The following UBR1 variants were observed in gnomAD, a reference collection of about 807,000 sequenced individuals.
The protein encoded by UBR1 is ubiquitin protein ligase E3 component n-recognin 1, also known as E3 ubiquitin-protein ligase UBR1.
A neutral mutation model predicts 242.1 loss-of-function variants in UBR1; 102 were observed. That is an observed-to-expected ratio of 0.42 (90% confidence interval 0.36 to 0.50). The LOEUF (loss-of-function observed/expected upper bound fraction) is 0.50. Among genes scored for constraint, UBR1 ranks in the 20% least tolerant of loss-of-function variants. UBR1 has a pLI of 0.01. For synonymous variants in UBR1, 675 were observed against 684.8 expected (o/e 0.99, Z 0.22); for missense variants, 1,772 against 2,101.8 (o/e 0.84, Z 3.07).
At chr15:43,076,541 C>G (rs989117567) in intron 3 of UBR1, among the ~76,000 whole-genome samples, 2 of 149,766 alleles carry the variant, frequency 1.3e-5, no homozygotes, top group Non-Finnish European at 3.0e-5. Flanking sequence ...ATGTGGGGAG[C>G]GCCTCTGCCC....
At chr15:43,004,590 G>A (rs866884010) in intron 30 of UBR1, among the ~76,000 whole-genome samples, 16 of 152,324 alleles carry the variant, frequency 1.1e-4, no homozygotes, top group Middle Eastern at 3.4e-3. Context: ...CCTGTTGGCC[G>A]GGCTGGTCTC....
In UBR1 at chr15:42,954,849, A is replaced by G. The variant is rs369356879; in HGVS notation, c.4836-2401T>C. 1.3e-4 allele frequency among the ~76,000 whole-genome samples: 20 copies of G among 152,188 alleles called. No homozygotes were observed. In the East Asian group the frequency reaches 2.9e-3, roughly 22 times the overall value. On this transcript the variant is annotated intron_variant, in intron 44 of 46. Coordinates refer to ENST00000290650, the MANE Select transcript of UBR1 (RefSeq NM_174916.3). ...TTCCCAAAATGTTGGGATTACAGGC[A>G]TAATCCACCGCACCTGGCCTCAAAA...
At chr15:42,980,444 G>A (rs1201325391) in intron 37 of UBR1, among the ~76,000 whole-genome samples, 1 of 152,168 alleles carries the variant, frequency 6.6e-6, no homozygotes. Flanking sequence ...CCATGGGCAA[G>A]TCATGCAACT....
chr15:42,951,819 C>T (rs1042281825), intron 45 of UBR1, among the ~76,000 whole-genome samples: 4 of 151,950 alleles, frequency 2.6e-5, no homozygotes, highest in African/African-American at 9.7e-5. Flanking sequence ...GCCTTGCTGC[C>T]CAGGCTGATC....
At position 42,950,290 on chromosome 15, in the gene UBR1, C is replaced by A; in HGVS notation, c.5080G>T (p.Glu1694Ter). The stretch of plus-strand genomic sequence containing the variant: ...AGGCCAGGGTCTGTTTCTCCATATT[C>A]ATCCAAGTAAGGAGCTGGATAGGCA... ...GCAYPAPYLD[E>*]YGETDPGLKR... Residue 1694 changes from glutamate (E) to a stop codon, truncating the protein, a stop_gained, in exon 46 of 47, where the codon GAA (glutamate) becomes TAA (stop). Transcript: ENST00000290650. LOFTEE classifies it high-confidence loss of function. 1 of 1,614,160 alleles carries A rather than the reference C, an allele frequency of 6.2e-7. No individual in the cohort carries two copies. The highest frequency in any genetic ancestry group is 8.5e-7 in the Non-Finnish European group (1 of 1,180,014).
chr15:43,021,076 CA>C (rs200329477), intron 27 of UBR1, 198 bp downstream of exon 27: 83 of 487,590 alleles, frequency 1.7e-4, no homozygotes, highest in East Asian at 2.8e-4. Flanking sequence ...TAAATAACGA[CA>C]AAAAAAATGA....
chr15:43,070,407 T>G (rs1048319163), intron 5 of UBR1, among the ~76,000 whole-genome samples: 3 of 152,280 alleles, frequency 2.0e-5, no homozygotes, highest in South Asian at 4.1e-4. Flanking sequence ...GATACACTGT[T>G]CCAAAGTCCC....
chr15:43,051,987 T>C (rs945752399), intron 12 of UBR1, among the ~76,000 whole-genome samples: 3 of 152,200 alleles, frequency 2.0e-5, no homozygotes, highest in Non-Finnish European at 2.9e-5. Flanking sequence ...CTAAGTTGCA[T>C]TTCCACAATA....
In UBR1 at chr15:42,942,951, T is replaced by C. The variant is rs540220959; in HGVS notation, c.*2378A>G. On this transcript the variant is annotated 3_prime_UTR_variant, in exon 47 of 47. Coordinates refer to ENST00000290650, the MANE Select transcript of UBR1 (RefSeq NM_174916.3). ...TATTTTAAAAAGCACAAGAACATTA[T>C]ACAAGTTTTAAATTTACATTTTTGC... 293 of 152,754 alleles carry C rather than the reference T, an allele frequency of 1.9e-3. 1 individual carries two copies. The highest frequency in any genetic ancestry group is 3.3e-3 in the Admixed American group (51 of 15,298). 9.5% of individuals were successfully genotyped at this position (152,754 alleles called of 1,614,324 possible). A position where few individuals can be genotyped will look rare whatever the true frequency, so the allele number is the denominator to read the frequency against.
chr15:42,956,981 A>C (rs2031931459), intron 44 of UBR1, among the ~76,000 whole-genome samples: 1 of 152,210 alleles, frequency 6.6e-6, no homozygotes, highest in South Asian at 2.1e-4. Context: ...AAAGTTAAAC[A>C]CAAAATTACC....
intron 1 of UBR1, chr15:43,092,045 C>A: frequency 2.2e-6 from 1 of 453,942 alleles, no homozygotes; most frequent in Non-Finnish European, 4.4e-6. Flanking sequence ...GATCATGCCA[C>A]TGCACTCCAG....
intron 1 of UBR1, among the ~76,000 whole-genome samples, chr15:43,088,400 G>C (rs1275317508): frequency 6.6e-6 from 1 of 152,026 alleles, no homozygotes; most frequent in Non-Finnish European, 1.5e-5. Flanking sequence ...CATAAATACT[G>C]TTAAGTGGAA....
Position 42,960,640 on chromosome 15 carries a change from C to T in UBR1, c.4757+5G>A, listed in dbSNP as rs2031999239. The T allele has an allele frequency of 1.2e-6, 2 of 1,613,822 alleles. No individual in the cohort carries two copies. The highest frequency in any genetic ancestry group is 1.7e-6 in the Non-Finnish European group (2 of 1,179,868). Reference sequence around the variant, plus strand: ...AGGGAGAAAGGATTAAGTAGTAAAACCAACCTGACCACGGTGTTTTTTTGC... The same window carrying T: ...AGGGAGAAAGGATTAAGTAGTAAAATCAACCTGACCACGGTGTTTTTTTGC... On this transcript the variant is annotated splice_donor_5th_base_variant and intron_variant, in intron 43 of 46. Coordinates refer to ENST00000290650, the MANE Select transcript of UBR1 (RefSeq NM_174916.3).
Position 43,059,780 on chromosome 15 carries a change from A to G in UBR1, c.907T>C (p.Leu303=), listed in dbSNP as rs182908361. The G allele has an allele frequency of 3.1e-6, 5 of 1,614,108 alleles. No homozygotes were observed. The Admixed American group carries it at 8.3e-5, about 27-fold the overall frequency. ...VSQHPLHVEV[L]HSEIMAHQKF... The stretch of plus-strand genomic sequence containing the variant: ...TGATGAGCCATAATCTCTGAGTGTA[A>G]TACTTCTACATGAAGTGGATGTTGA... The change falls in exon 8 of 47, where the codon TTA becomes CTA. Residue 303 remains leucine, a synonymous_variant. Transcript: ENST00000290650.
At chr15:42,954,893 G>A (rs1052362090) in intron 44 of UBR1, among the ~76,000 whole-genome samples, 1 of 152,052 alleles carries the variant, frequency 6.6e-6, no homozygotes, top group Admixed American at 6.6e-5. Context: ...AACCGGCCAG[G>A]TGCGGTGGCT....
rs2032424873 is a variant in UBR1 at position 42,984,129 on chromosome 15, C to T, written c.4054-136G>A. 9.9e-6 allele frequency: 5 copies of T among 503,412 alleles called. No individual in the cohort carries two copies. In the Admixed American group the frequency reaches 1.9e-4, roughly 19 times the overall value. 31.2% of individuals were successfully genotyped at this position (503,412 alleles called of 1,614,324 possible). Reference sequence around the variant, plus strand: ...ACTCATTATATACCTTATATCATTGCAAATAAATTACAATATTCTTAATAC... The same window carrying T: ...ACTCATTATATACCTTATATCATTGTAAATAAATTACAATATTCTTAATAC... On this transcript the variant is annotated intron_variant, in intron 36 of 46. Coordinates refer to ENST00000290650, the MANE Select transcript of UBR1 (RefSeq NM_174916.3).
rs775313309 is a variant in UBR1 at position 43,025,001 on chromosome 15, T to C, written c.2585-18A>G. 6.8e-6 allele frequency: 11 copies of C among 1,613,326 alleles called. No individual in the cohort carries two copies. Among genetic ancestry groups the C allele is most frequent in the African/African-American group, 1.3e-5 (1 of 74,906 alleles). The stretch of plus-strand genomic sequence containing the variant: ...CGGCAATGCTATAGGAGGTGGGGAA[T>C]GGATGGGGAAAGAGACAAACAGGTA... On this transcript the variant is annotated intron_variant, in intron 24 of 46. Coordinates refer to ENST00000290650, the MANE Select transcript of UBR1 (RefSeq NM_174916.3).
At chr15:42,988,632 TAA>T in intron 35 of UBR1, 185 bp downstream of exon 35, 1 of 761,358 alleles carries the variant, frequency 1.3e-6, no homozygotes, top group Non-Finnish European at 2.2e-6. Flanking sequence ...CAATCATAGT[TAA>T]AAAGAGATCA....
At chr15:42,974,156 G>A (rs1271324330) in intron 39 of UBR1, among the ~76,000 whole-genome samples, 1 of 152,188 alleles carries the variant, frequency 6.6e-6, no homozygotes, top group East Asian at 1.9e-4. Flanking sequence ...CCAAAGTGCA[G>A]GGATTACAGG....
Sources: gnomAD v4.1 joint callset for allele counts (sites outside exome capture counted in the v4.1 genomes callset) on GRCh38, gnomAD v4.1.1 for gene constraint, MANE v1.5 for transcripts, NCBI Gene and HGNC (gene_info 2026-07-23, HGNC 2026-07-21) for gene names.